The following CEP85L variants were observed in gnomAD, a reference collection of about 807,000 sequenced individuals.
CEP85L encodes centrosomal protein of 85 kDa-like.
In CEP85L, 60 loss-of-function variants were observed where a neutral mutation model predicts 100.3. The observed-to-expected ratio is 0.60, with a 90% CI of 0.49 to 0.74. The LOEUF (loss-of-function observed/expected upper bound fraction) is 0.74. Among genes scored for constraint, CEP85L ranks in the 30% least tolerant of loss-of-function variants. The pLI, the probability that CEP85L is intolerant of heterozygous loss-of-function variation, is 0.00. For synonymous variants in CEP85L, 319 were observed against 322.7 expected (o/e 0.99, Z 0.12); for missense variants, 973 against 936.2 (o/e 1.04, Z -0.51).
intron 10 of CEP85L, among the ~76,000 whole-genome samples, chr6:118,479,552 T>A (rs944688264): frequency 1.3e-5 from 2 of 152,128 alleles, no homozygotes; most frequent in East Asian, 3.8e-4. Context: ...CTTAATTTTT[T>A]AAAATAACAT....
At chr6:118,622,992 G>A (rs957934134) in intron 2 of CEP85L, among the ~76,000 whole-genome samples, 18 of 152,214 alleles carry the variant, frequency 1.2e-4, no homozygotes, top group Admixed American at 1.1e-3. Flanking sequence ...TCTCATGGGG[G>A]CATAGTTTTC....
intron 2 of CEP85L, among the ~76,000 whole-genome samples, chr6:118,627,792 G>A (rs542765337): frequency 1.3e-5 from 2 of 152,182 alleles, no homozygotes; most frequent in Admixed American, 6.5e-5. Flanking sequence ...AATAAGGTCT[G>A]CCCTCAGGAG....
chr6:118,673,208 A>C (rs1329153289), intron 1 of CEP85L, among the ~76,000 whole-genome samples: 1 of 152,254 alleles, frequency 6.6e-6, no homozygotes. Flanking sequence ...GTCACTAGAT[A>C]AAAGCAAAGA....
At chr6:118,682,349 G>T (rs1776691888) in intron 1 of CEP85L, among the ~76,000 whole-genome samples, 1 of 152,030 alleles carries the variant, frequency 6.6e-6, no homozygotes, top group Admixed American at 6.6e-5. Context: ...ATTAAATAAG[G>T]TCTTACATTT....
intron 3 of CEP85L, among the ~76,000 whole-genome samples, chr6:118,561,225 G>A (rs564273195): frequency 6.6e-6 from 1 of 152,244 alleles, no homozygotes. Context: ...AACAACAGGT[G>A]ATACACTCAC....
intron 3 of CEP85L, among the ~76,000 whole-genome samples, chr6:118,553,039 C>G (rs1280038009): frequency 6.6e-6 from 1 of 151,992 alleles, no homozygotes; most frequent in Non-Finnish European, 1.5e-5. Context: ...TGGAGAGCAG[C>G]TTCAGTTTCC....
At chr6:118,486,816 CT>C (rs1384955272) in intron 6 of CEP85L, among the ~76,000 whole-genome samples, 6 of 152,134 alleles carry the variant, frequency 3.9e-5, no homozygotes, top group African/African-American at 1.4e-4. Context: ...CCCGAACTTG[CT>C]CCATTATGCA....
chr6:118,590,743 G>C (rs1391151729), intron 2 of CEP85L, among the ~76,000 whole-genome samples: 1 of 152,002 alleles, frequency 6.6e-6, no homozygotes, highest in Non-Finnish European at 1.5e-5. Flanking sequence ...ACCTACCCCA[G>C]AAAACAAGTA....
At chr6:118,701,396 G>A (rs1313239005) in intron 1 of CEP85L, among the ~76,000 whole-genome samples, 1 of 152,198 alleles carries the variant, frequency 6.6e-6, no homozygotes, top group Non-Finnish European at 1.5e-5. Context: ...ACAGTGGACT[G>A]GATAAAGAAA....
At chr6:118,600,294 CCT>C (rs1491580901) in intron 2 of CEP85L, among the ~76,000 whole-genome samples, 8 of 414 alleles carry the variant, frequency 0.019, no homozygotes, top group East Asian at 0.17. Flanking sequence ...CCTGAGCCTT[CCT>C]GGGGGTGTGT....
chr6:118,550,904 A>G (rs1418948385), intron 3 of CEP85L, among the ~76,000 whole-genome samples: 2 of 151,900 alleles, frequency 1.3e-5, no homozygotes, highest in Non-Finnish European at 2.9e-5. Flanking sequence ...CATTTTCAAA[A>G]CCAGAAATAT....
intron 3 of CEP85L, among the ~76,000 whole-genome samples, chr6:118,526,844 A>G (rs576672437): frequency 2.1e-4 from 32 of 152,314 alleles, no homozygotes; most frequent in African/African-American, 7.5e-4. Flanking sequence ...AAGGTGAAGG[A>G]GAATTCTGGG....
At chr6:118,698,506 C>T (rs1220435225) in intron 1 of CEP85L, among the ~76,000 whole-genome samples, 1 of 149,896 alleles carries the variant, frequency 6.7e-6, no homozygotes, top group Non-Finnish European at 1.5e-5. Flanking sequence ...AGTCAAACTA[C>T]TTCTGATGTG....
intron 2 of CEP85L, among the ~76,000 whole-genome samples, chr6:118,589,993 TGTGACTATTGAGGCCAGTTCTGG>T (rs1781087825): frequency 6.6e-6 from 1 of 152,184 alleles, no homozygotes; most frequent in South Asian, 2.1e-4. Context: ...TCTCCCCAGA[TGTGACTATTGAGGCCAGTTCTGG>T]GTGTTTCAGA....
intron 1 of CEP85L, among the ~76,000 whole-genome samples, chr6:118,640,982 GCTTA>G (rs1774829999): frequency 6.6e-6 from 1 of 152,092 alleles, no homozygotes; most frequent in African/African-American, 2.4e-5. Flanking sequence ...AGATAAAAAA[GCTTA>G]CTTCACTTTA....
intron 3 of CEP85L, among the ~76,000 whole-genome samples, chr6:118,541,983 C>G (rs1204330463): frequency 6.6e-6 from 1 of 152,032 alleles, no homozygotes; most frequent in Non-Finnish European, 1.5e-5. Flanking sequence ...GCCTGATCAG[C>G]CTTACATGAA....
chr6:118,579,187 C>A (rs924737846), intron 2 of CEP85L, among the ~76,000 whole-genome samples: 1 of 152,108 alleles, frequency 6.6e-6, no homozygotes, highest in Non-Finnish European at 1.5e-5. Flanking sequence ...TGAGCCACCA[C>A]GCCTGGCTGA....
At chr6:118,555,150 G>A (rs535522929) in intron 3 of CEP85L, among the ~76,000 whole-genome samples, 8 of 152,158 alleles carry the variant, frequency 5.3e-5, no homozygotes, top group Non-Finnish European at 7.4e-5. Flanking sequence ...GTGACTACTC[G>A]GCCAGGTGCA....
chr6:118,550,676 C>T (rs1271816623), intron 3 of CEP85L, among the ~76,000 whole-genome samples: 1 of 151,870 alleles, frequency 6.6e-6, no homozygotes, highest in African/African-American at 2.4e-5. Context: ...AAGCCACATG[C>T]ACATCCTCTA....
Sources: gnomAD v4.1 joint callset for allele counts (sites outside exome capture counted in the v4.1 genomes callset) on GRCh38, gnomAD v4.1.1 for gene constraint, MANE v1.5 for transcripts, NCBI Gene and HGNC (gene_info 2026-07-23, HGNC 2026-07-21) for gene names.